Variants in MTUS2 observed in about 807,000 individuals in gnomAD.
MTUS2 encodes the protein microtubule-associated tumor suppressor candidate 2.
A neutral mutation model predicts 114.1 loss-of-function variants in MTUS2; 40 were observed. That is an observed-to-expected ratio of 0.35 (90% CI 0.27 to 0.46). The LOEUF (loss-of-function observed/expected upper bound fraction) is 0.46. Among genes scored for constraint, MTUS2 ranks in the 20% least tolerant of loss-of-function variants. MTUS2 has a pLI of 1.00. For synonymous variants in MTUS2, 688 were observed against 672.0 expected, an observed-to-expected ratio of 1.02 and a Z score of -0.37; for missense variants, 1,679 against 1,705.4, an observed-to-expected ratio of 0.98 and a Z score of 0.27.
intron 1 of MTUS2, among the ~76,000 whole-genome samples, chr13:28,828,749 G>A (rs948568567): frequency 6.6e-6 from 1 of 151,940 alleles, no homozygotes; most frequent in African/African-American, 2.4e-5. Flanking sequence ...AATATTTTAT[G>A]CATTTTAGAA....
At chr13:29,043,145 T>G (rs1887448800) in intron 4 of MTUS2, among the ~76,000 whole-genome samples, 1 of 152,150 alleles carries the variant, frequency 6.6e-6, no homozygotes, top group South Asian at 2.1e-4. Flanking sequence ...TCACTGTTAT[T>G]CAGTTGAAAT....
chr13:29,337,568 G>C (rs762645126), intron 7 of MTUS2, among the ~76,000 whole-genome samples: 2 of 151,708 alleles, frequency 1.3e-5, no homozygotes, highest in Non-Finnish European at 2.9e-5. Context: ...GCTGGGTGCT[G>C]CAGACCAGAG....
At chr13:29,051,616 A>G (rs1304249097) in intron 4 of MTUS2, among the ~76,000 whole-genome samples, 1 of 152,188 alleles carries the variant, frequency 6.6e-6, no homozygotes, top group African/African-American at 2.4e-5. Context: ...GAGGGTGGAA[A>G]ACCAGAAGAA....
chr13:29,295,840 G>A (rs796224391), intron 6 of MTUS2, among the ~76,000 whole-genome samples: 1 of 152,168 alleles, frequency 6.6e-6, no homozygotes, highest in African/African-American at 2.4e-5. Context: ...CAGCGGAACT[G>A]CATTTTATAA....
intron 7 of MTUS2, among the ~76,000 whole-genome samples, chr13:29,349,453 A>T (rs577467877): frequency 2.6e-5 from 4 of 152,196 alleles, no homozygotes; most frequent in African/African-American, 9.6e-5. Context: ...AAGAAGTCTG[A>T]GTTACTCATT....
At chr13:29,292,078 G>A (rs760967921) in intron 6 of MTUS2, among the ~76,000 whole-genome samples, 13 of 152,232 alleles carry the variant, frequency 8.5e-5, no homozygotes, top group Non-Finnish European at 1.5e-4. Flanking sequence ...TAGGCATGCA[G>A]ATTGTAGTTA....
intron 8 of MTUS2, among the ~76,000 whole-genome samples, chr13:29,409,784 T>C (rs1381689480): frequency 1.3e-5 from 2 of 151,596 alleles, no homozygotes; most frequent in Non-Finnish European, 2.9e-5. Context: ...TCATGGACAT[T>C]TTCTTCATTC....
In MTUS2 at chr13:29,005,897, C is replaced by T. The variant is rs150892980; in HGVS notation, c.-242-18560C>T. 9.1e-4 allele frequency among the ~76,000 whole-genome samples: 139 copies of T among 152,226 alleles called. 1 individual carries two copies. The highest frequency in any genetic ancestry group is 3.3e-3 in the African/African-American group (138 of 41,534). On this transcript the variant is annotated intron_variant, in intron 2 of 15. Coordinates refer to ENST00000612955, the MANE Select transcript of MTUS2 (RefSeq NM_001033602.4). ...TAATGTTGAAAAGGAATAGTATTGCCGTTTGAGTTTTGAAGATGAAACTAT... is the reference window on the plus strand; with the variant it reads ...TAATGTTGAAAAGGAATAGTATTGCTGTTTGAGTTTTGAAGATGAAACTAT...
At chr13:29,461,532 A>G (rs1471905127) in intron 9 of MTUS2, among the ~76,000 whole-genome samples, 1 of 152,238 alleles carries the variant, frequency 6.6e-6, no homozygotes, top group Non-Finnish European at 1.5e-5. Flanking sequence ...AAGTACATTC[A>G]ACAGAAAGCA....
At chr13:29,136,753 C>T (rs1891994943) in intron 5 of MTUS2, among the ~76,000 whole-genome samples, 1 of 152,126 alleles carries the variant, frequency 6.6e-6, no homozygotes, top group South Asian at 2.1e-4. Flanking sequence ...ATTTTTTGTA[C>T]TGAGTTTTGT....
At chr13:29,171,420 A>G (rs1893557969) in intron 5 of MTUS2, among the ~76,000 whole-genome samples, 1 of 152,156 alleles carries the variant, frequency 6.6e-6, no homozygotes, top group Admixed American at 6.5e-5. Context: ...TAGGATCTGT[A>G]CCGGAACTTA....
intron 8 of MTUS2, among the ~76,000 whole-genome samples, chr13:29,415,275 C>A (rs911958346): frequency 6.6e-6 from 1 of 152,032 alleles, no homozygotes; most frequent in African/African-American, 2.4e-5. Flanking sequence ...GTATAAAGTT[C>A]AATATATAGC....
intron 2 of MTUS2, among the ~76,000 whole-genome samples, chr13:28,979,529 T>A (rs1237950119): frequency 6.6e-6 from 1 of 152,230 alleles, no homozygotes; most frequent in South Asian, 2.1e-4. Flanking sequence ...TTGTTTTTTT[T>A]CTAAAAAGAT....
At chr13:29,356,968 T>C (rs1250015517) in intron 7 of MTUS2, among the ~76,000 whole-genome samples, 1 of 152,192 alleles carries the variant, frequency 6.6e-6, no homozygotes, top group East Asian at 1.9e-4. Context: ...CAGAGGAGCC[T>C]CTGTCTTAGC....
chr13:29,228,561 C>T (rs753815263), intron 5 of MTUS2, among the ~76,000 whole-genome samples: 1 of 152,156 alleles, frequency 6.6e-6, no homozygotes, highest in Non-Finnish European at 1.5e-5. Context: ...CTCAAGCAGT[C>T]CTCCTGCCTC....
intron 13 of MTUS2, 140 bp downstream of exon 13, chr13:29,497,476 T>A: frequency 1.4e-6 from 1 of 693,950 alleles, no homozygotes; most frequent in Non-Finnish European, 2.5e-6. Context: ...CGACCTCCCC[T>A]GGATTTTTAA....
At chr13:29,182,585 A>G (rs1454028848) in intron 5 of MTUS2, among the ~76,000 whole-genome samples, 2 of 152,194 alleles carry the variant, frequency 1.3e-5, no homozygotes, top group Non-Finnish European at 2.9e-5. Context: ...GATCTTAGCT[A>G]GATTCTTAGG....
At chr13:28,824,011 C>T (rs979820999) in intron 1 of MTUS2, among the ~76,000 whole-genome samples, 4 of 152,180 alleles carry the variant, frequency 2.6e-5, no homozygotes, top group Non-Finnish European at 4.4e-5. Context: ...TCTCATGACA[C>T]ATGGGGATTA....
intron 5 of MTUS2, among the ~76,000 whole-genome samples, chr13:29,266,133 G>A (rs1897659430): frequency 6.6e-6 from 1 of 152,210 alleles, no homozygotes; most frequent in Non-Finnish European, 1.5e-5. Flanking sequence ...TCCATGTTGT[G>A]TTAATGGGGG....
Sources: allele counts gnomAD v4.1 joint callset (sites outside exome capture counted in the v4.1 genomes callset), GRCh38; gene constraint gnomAD v4.1.1; transcripts MANE v1.5; gene names NCBI Gene and HGNC (gene_info 2026-07-23, HGNC 2026-07-21).